The following TEX11 variants were observed in gnomAD, a reference collection of about 807,000 sequenced individuals.
TEX11 encodes the protein testis expressed 11.
Under a neutral mutation model 84.4 loss-of-function variants are expected in TEX11, and 7 were observed. The ratio of observed to expected loss-of-function variants is 0.08; its 90% CI spans 0.05 to 0.16. The LOEUF (loss-of-function observed/expected upper bound fraction) is 0.16, where lower values mean the gene tolerates loss of function less well. Among genes scored for constraint, TEX11 ranks in the 10% least tolerant of loss-of-function variants. The probability of loss-of-function intolerance (pLI) is 1.00; values close to 1 mark genes in which losing one functional copy is unlikely to be tolerated. For synonymous variants in TEX11, 264 were observed against 222.8 expected (o/e 1.18, Z -1.64); for missense variants, 551 against 660.5 (o/e 0.83, Z 1.82).
At chrX:70,885,899 A>AAG (rs1416274090) in intron 2 of TEX11, among the ~76,000 whole-genome samples, 4 of 108,458 alleles carry the variant, frequency 3.7e-5, no homozygotes, top group African/African-American at 1.4e-4. Context: ...AAAAAAAAAA[A>AAG]AAAAAGAAAA....
intron 7 of TEX11, among the ~76,000 whole-genome samples, chrX:70,837,506 T>A (rs976872579): frequency 3.1e-4 from 34 of 110,970 alleles, no homozygotes; most frequent in African/African-American, 1.1e-3. Context: ...GTAGTTGCAG[T>A]GAGCCGAGAT....
At chrX:70,730,836 T>C (rs994841649) in intron 11 of TEX11, among the ~76,000 whole-genome samples, 2 of 111,733 alleles carry the variant, frequency 1.8e-5, no homozygotes, top group African/African-American at 6.5e-5. Context: ...CCAACCCAAA[T>C]CAACAGAATA....
chrX:70,696,363 T>C (rs182388211), intron 13 of TEX11, among the ~76,000 whole-genome samples: 11 of 111,802 alleles, frequency 9.8e-5, no homozygotes, highest in African/African-American at 3.6e-4. Flanking sequence ...TTAAAGTTCA[T>C]TTATTCTGAC....
rs201623866 is a variant in TEX11 at position 70,846,923 on chromosome X, CA to C, written c.525+6110del. On this transcript the variant is annotated intron_variant, in intron 7 of 29. Coordinates refer to ENST00000374333, the MANE Select transcript of TEX11 (RefSeq NM_031276.3). ...TAGGCAACAGAGCAAGACTCTGTCT[CA>C]AAAAAAAAGGAAGAAAGAAAGAGAT... is the stretch of plus-strand genomic sequence containing the variant. Among the ~76,000 whole-genome samples the C allele has an allele frequency of 2.2e-3, 239 of 108,122 alleles. 3 individuals are homozygous for C. The highest frequency in any genetic ancestry group is 7.5e-3 in the African/African-American group (221 of 29,659). 93.9% of individuals were successfully genotyped at this position (108,122 alleles called of 115,157 possible).
intron 24 of TEX11, among the ~76,000 whole-genome samples, chrX:70,602,398 T>C (rs2147516289): frequency 9.5e-6 from 1 of 105,169 alleles, no homozygotes; most frequent in South Asian, 4.4e-4. Flanking sequence ...TGGTTCAATA[T>C]ACGCAAATCA....
chrX:70,833,747 G>A (rs2091390286), intron 7 of TEX11, among the ~76,000 whole-genome samples, 154 bp from the exon 8 acceptor site: 1 of 112,018 alleles, frequency 8.9e-6, no homozygotes. Flanking sequence ...CAGATAGCTT[G>A]CTCAAAATAC....
At chrX:70,780,189 G>T (rs977347532) in intron 9 of TEX11, among the ~76,000 whole-genome samples, 18 of 111,522 alleles carry the variant, frequency 1.6e-4, no homozygotes, top group African/African-American at 5.9e-4. Flanking sequence ...CAGGAGAATC[G>T]CTTGAACCTG....
chrX:70,901,680 C>T (rs948524091), intron 2 of TEX11, among the ~76,000 whole-genome samples: 2 of 111,702 alleles, frequency 1.8e-5, no homozygotes, highest in African/African-American at 6.5e-5. Context: ...GCTTGCTGGC[C>T]CAGGGCTCAT....
At chrX:70,732,372 C>A (rs1398420308) in intron 11 of TEX11, among the ~76,000 whole-genome samples, 2 of 111,623 alleles carry the variant, frequency 1.8e-5, no homozygotes, top group Admixed American at 1.9e-4. Context: ...TCCCTGTTTG[C>A]AGATGACATG....
At chrX:70,750,340 T>A (rs1414098041) in intron 9 of TEX11, among the ~76,000 whole-genome samples, 2 of 111,560 alleles carry the variant, frequency 1.8e-5, no homozygotes, top group Non-Finnish European at 3.8e-5. Flanking sequence ...GTAAACTAGT[T>A]CAACCATTGT....
intron 9 of TEX11, among the ~76,000 whole-genome samples, chrX:70,756,354 C>T (rs1468691754): frequency 2.7e-5 from 3 of 111,865 alleles, no homozygotes; most frequent in South Asian, 7.5e-4. Flanking sequence ...TGGGAGACAC[C>T]TCCCAGTAGG....
chrX:70,711,250 C>G (rs1391715200), intron 13 of TEX11, among the ~76,000 whole-genome samples: 1 of 111,457 alleles, frequency 9.0e-6, no homozygotes, highest in South Asian at 3.8e-4. Context: ...AATAAACATA[C>G]GTGTACATGT....
intron 25 of TEX11, among the ~76,000 whole-genome samples, chrX:70,571,167 TGC>T (rs777285802): frequency 2.7e-5 from 3 of 111,016 alleles, no homozygotes; most frequent in Non-Finnish European, 5.7e-5. Context: ...TACAGGCATG[TGC>T]CACCATGCCT....
At chrX:70,638,348 C>T (rs759778835) in intron 17 of TEX11, among the ~76,000 whole-genome samples, 3 of 111,142 alleles carry the variant, frequency 2.7e-5, no homozygotes, top group South Asian at 7.7e-4. Flanking sequence ...TTCAAAGTGC[C>T]GAAGAGAAAA....
intron 28 of TEX11, among the ~76,000 whole-genome samples, chrX:70,537,648 A>T (rs1603035431): frequency 9.0e-6 from 1 of 111,702 alleles, no homozygotes; most frequent in African/African-American, 3.3e-5. Flanking sequence ...AAGACGAGTG[A>T]TTTGAAGTTC....
At chrX:70,845,984 C>T in intron 7 of TEX11, 1 of 111,422 alleles carries the variant, frequency 9.0e-6, no homozygotes, top group East Asian at 2.8e-4. Flanking sequence ...GTTCAAGGGC[C>T]CAAGATTTAA....
At chrX:70,737,057 A>C (rs1261828462) in intron 11 of TEX11, among the ~76,000 whole-genome samples, 1 of 111,737 alleles carries the variant, frequency 8.9e-6, no homozygotes, top group African/African-American at 3.2e-5. Flanking sequence ...CTAATCTAGA[A>C]GTGACATAGA....
At chrX:70,855,968 T>C (rs1245560496) in intron 5 of TEX11, among the ~76,000 whole-genome samples, 1 of 111,704 alleles carries the variant, frequency 9.0e-6, no homozygotes, top group Non-Finnish European at 1.9e-5. Flanking sequence ...ACCTGTGATA[T>C]TGTGTTATGG....
downstream of TEX11, among the ~76,000 whole-genome samples, chrX:70,527,194 A>C (rs2087831106): frequency 8.9e-6 from 1 of 112,161 alleles, no homozygotes; most frequent in Admixed American, 9.5e-5. Context: ...TTAATGAGGA[A>C]TGTGGTATTT....
Sources: gnomAD v4.1 joint callset for allele counts (sites outside exome capture counted in the v4.1 genomes callset) on GRCh38, gnomAD v4.1.1 for gene constraint, MANE v1.5 for transcripts, NCBI Gene and HGNC (gene_info 2026-07-23, HGNC 2026-07-21) for gene names.